STPG2: variants seen among roughly 807,000 people sequenced by gnomAD.
STPG2 encodes the protein sperm tail PG-rich repeat containing 2.
STPG2 carries 56 observed loss-of-function variants against 54.2 expected under a neutral mutation model. The ratio of observed to expected loss-of-function variants is 1.03; its 90% confidence interval spans 0.83 to 1.29. The LOEUF (loss-of-function observed/expected upper bound fraction) is 1.29, where lower values mean the gene tolerates loss of function less well. Ranked by LOEUF, STPG2 falls within the 50% of genes most tolerant of loss-of-function variation. The pLI is 0.00. For missense variants in STPG2, 596 were observed against 544.9 expected (o/e 1.09, Z -0.93); for synonymous variants, 200 against 181.8 (o/e 1.10, Z -0.81).
At chr4:97,768,685 C>G (rs1242921756) in intron 9 of STPG2, among the ~76,000 whole-genome samples, 1 of 152,002 alleles carries the variant, frequency 6.6e-6, no homozygotes, top group Non-Finnish European at 1.5e-5. Flanking sequence ...CAGAACCACT[C>G]CATAGTTTGG....
At chr4:97,532,503 G>T (rs936710892) in intron 4 of STPG2, among the ~76,000 whole-genome samples, 1 of 152,068 alleles carries the variant, frequency 6.6e-6, no homozygotes, top group African/African-American at 2.4e-5. Flanking sequence ...AAAATGAAAT[G>T]AATTGCAATG....
At chr4:97,997,060 T>C (rs947652264) in intron 5 of STPG2, among the ~76,000 whole-genome samples, 3 of 152,174 alleles carry the variant, frequency 2.0e-5, no homozygotes, top group Admixed American at 1.3e-4. Context: ...AACAGAATTA[T>C]CATTTGACCA....
At chr4:97,922,482 C>T (rs1303871693) in intron 8 of STPG2, among the ~76,000 whole-genome samples, 3 of 152,066 alleles carry the variant, frequency 2.0e-5, no homozygotes, top group South Asian at 2.1e-4. Flanking sequence ...ACTGAGAATG[C>T]CTTTGTTGTA....
intron 5 of STPG2, among the ~76,000 whole-genome samples, chr4:98,014,922 T>C (rs138747929): frequency 2.0e-4 from 30 of 152,286 alleles, no homozygotes; most frequent in South Asian, 4.1e-4. Context: ...ATTTAAAATA[T>C]ATCATCCCAC....
chr4:97,849,935 G>T (rs1355866065), intron 8 of STPG2, among the ~76,000 whole-genome samples: 1 of 152,018 alleles, frequency 6.6e-6, no homozygotes, highest in African/African-American at 2.4e-5. Context: ...ATACCCAAAG[G>T]ATTATAAATC....
At chr4:97,767,229 TA>T (rs1297514633) in intron 9 of STPG2, among the ~76,000 whole-genome samples, 3 of 152,188 alleles carry the variant, frequency 2.0e-5, no homozygotes, top group Non-Finnish European at 4.4e-5. Flanking sequence ...AAATGTTGAT[TA>T]AATACCAAAT....
chr4:97,614,410 A>C (rs1016432298), intron 10 of STPG2, among the ~76,000 whole-genome samples: 37 of 152,104 alleles, frequency 2.4e-4, no homozygotes, highest in African/African-American at 8.7e-4. Context: ...AGGAATGAGC[A>C]GGAGCATTGT....
At chr4:97,601,825 T>C (rs1325679268) in intron 10 of STPG2, among the ~76,000 whole-genome samples, 1 of 151,898 alleles carries the variant, frequency 6.6e-6, no homozygotes, top group Non-Finnish European at 1.5e-5. Context: ...TTAAACAAAC[T>C]TGTCAAGTTC....
At chr4:98,138,801 C>CAAAG (rs1740202518) in intron 1 of STPG2, among the ~76,000 whole-genome samples, 2 of 152,096 alleles carry the variant, frequency 1.3e-5, no homozygotes, top group African/African-American at 4.8e-5. Flanking sequence ...TAACCACTCC[C>CAAAG]CCACCAAAAA....
chr4:97,454,393 G>C (rs1360732699), intron 4 of STPG2, among the ~76,000 whole-genome samples: 1 of 149,912 alleles, frequency 6.7e-6, no homozygotes, highest in East Asian at 2.0e-4. Flanking sequence ...GGCGCCTGTA[G>C]TCCCAGCTAC....
At chr4:98,016,042 C>T (rs1735934161) in intron 5 of STPG2, among the ~76,000 whole-genome samples, 1 of 152,120 alleles carries the variant, frequency 6.6e-6, no homozygotes, top group Non-Finnish European at 1.5e-5. Context: ...GAACATCACA[C>T]TCCAGGGCCT....
chr4:97,630,620 C>G (rs1354064030), intron 10 of STPG2, among the ~76,000 whole-genome samples: 1 of 151,870 alleles, frequency 6.6e-6, no homozygotes, highest in African/African-American at 2.4e-5. Flanking sequence ...TTGAAAAACA[C>G]ATTCTTCCTT....
intron 10 of STPG2, among the ~76,000 whole-genome samples, chr4:97,579,345 A>T (rs143223662): frequency 0.016 from 2,481 of 152,146 alleles, 32 homozygotes; most frequent in Non-Finnish European, 0.024. Context: ...TTGACTAATT[A>T]TCCTATTCAG....
intron 4 of STPG2, among the ~76,000 whole-genome samples, chr4:97,538,888 C>A (rs1005899863): frequency 5.9e-5 from 9 of 152,032 alleles, no homozygotes; most frequent in Non-Finnish European, 1.2e-4. Context: ...GGCCAATATT[C>A]AACATTCTTA....
chr4:97,855,414 A>G lies in STPG2; in HGVS notation c.1045-14482T>C, dbSNP rs980572540. Among the ~76,000 whole-genome samples, 23 of 152,014 alleles carry G rather than the reference A, an allele frequency of 1.5e-4. 1 individual carries two copies. The highest frequency in any genetic ancestry group is 5.3e-4 in the African/African-American group (22 of 41,406). On this transcript the variant is annotated intron_variant, in intron 8 of 10. Coordinates refer to ENST00000295268, the MANE Select transcript of STPG2 (RefSeq NM_174952.3). Reference sequence around the variant, plus strand: ...TTGTGGTTTTGATTTCCACTTCTCTAATGATCAGTGAGGTTCAGCTTTTTT... The same window carrying G: ...TTGTGGTTTTGATTTCCACTTCTCTGATGATCAGTGAGGTTCAGCTTTTTT...
intron 10 of STPG2, among the ~76,000 whole-genome samples, chr4:97,612,261 C>T (rs112152913): frequency 3.0e-5 from 4 of 134,048 alleles, no homozygotes; most frequent in African/African-American, 1.1e-4. Flanking sequence ...AAAAAAAAAA[C>T]AAAAAAAAAC....
At chr4:98,102,060 G>C (rs1222816956) in intron 5 of STPG2, among the ~76,000 whole-genome samples, 1 of 152,050 alleles carries the variant, frequency 6.6e-6, no homozygotes, top group Admixed American at 6.6e-5. Flanking sequence ...TGTAAAATGG[G>C]ATCTTTTTCT....
At chr4:97,819,638 G>T (rs1728020529) in intron 9 of STPG2, among the ~76,000 whole-genome samples, 1 of 151,826 alleles carries the variant, frequency 6.6e-6, no homozygotes, top group South Asian at 2.1e-4. Context: ...TAAAAATTAT[G>T]CTGTCAACAT....
intron 9 of STPG2, among the ~76,000 whole-genome samples, chr4:97,752,752 G>C (rs1279509559): frequency 6.6e-6 from 1 of 151,546 alleles, no homozygotes; most frequent in African/African-American, 2.4e-5. Context: ...TGTTTCCCTC[G>C]CCAAGATTTA....
Sources: gnomAD v4.1 joint callset for allele counts (sites outside exome capture counted in the v4.1 genomes callset) on GRCh38, gnomAD v4.1.1 for gene constraint, MANE v1.5 for transcripts, NCBI Gene and HGNC (gene_info 2026-07-23, HGNC 2026-07-21) for gene names.